The following PLCB4 variants were observed in gnomAD, a reference collection of about 807,000 sequenced individuals.
PLCB4 encodes 1-phosphatidylinositol 4,5-bisphosphate phosphodiesterase beta-4.
Under a neutral mutation model 178.8 loss-of-function variants are expected in PLCB4, and 77 were observed. The ratio of observed to expected loss-of-function variants is 0.43; its 90% confidence interval spans 0.36 to 0.52. PLCB4 has a LOEUF of 0.52. Among genes scored for constraint, PLCB4 ranks in the 20% least tolerant of loss-of-function variants. The pLI is 0.00. For missense variants in PLCB4, 1,024 were observed against 1,453.4 expected, an observed-to-expected ratio of 0.70 and a Z score of 4.80; for synonymous variants, 496 against 490.8, an observed-to-expected ratio of 1.01 and a Z score of -0.14.
At chr20:9,352,334 A>G (rs1034961982) in intron 7 of PLCB4, among the ~76,000 whole-genome samples, 20 of 152,162 alleles carry the variant, frequency 1.3e-4, no homozygotes. Flanking sequence ...CCATAACAGT[A>G]TATTTATTGT....
At chr20:9,470,111 C>A (rs1285735315) in intron 36 of PLCB4, among the ~76,000 whole-genome samples, 1 of 152,052 alleles carries the variant, frequency 6.6e-6, no homozygotes, top group African/African-American at 2.4e-5. Flanking sequence ...GGCAGATTAC[C>A]TGAGGTCAGG....
chr20:9,321,182 G>GAGATTAAATGA, intron 4 of PLCB4, among the ~76,000 whole-genome samples: 1 of 152,190 alleles, frequency 6.6e-6, no homozygotes, highest in Non-Finnish European at 1.5e-5. Flanking sequence ...CTCAGGTGGT[G>GAGATTAAATGA]GTGAGGGCTA....
intron 35 of PLCB4, among the ~76,000 whole-genome samples, chr20:9,461,614 C>CT (rs1446846972): frequency 1.3e-5 from 2 of 152,244 alleles, no homozygotes; most frequent in African/African-American, 4.8e-5. Context: ...TCTCCTGTGC[C>CT]TGGCTTGGCA....
At chr20:9,421,710 T>G (rs1281413432) in intron 27 of PLCB4, among the ~76,000 whole-genome samples, 1 of 152,220 alleles carries the variant, frequency 6.6e-6, no homozygotes, top group African/African-American at 2.4e-5. Context: ...GGGTTTACCA[T>G]CTTTTAGAAT....
At chr20:9,101,740 A>G (rs922068416) in intron 2 of PLCB4, among the ~76,000 whole-genome samples, 1 of 152,322 alleles carries the variant, frequency 6.6e-6, no homozygotes, top group East Asian at 1.9e-4. Flanking sequence ...TATGGCCTAC[A>G]TACATTTCCC....
chr20:9,383,549 A>G (rs137921787), intron 13 of PLCB4, among the ~76,000 whole-genome samples: 11 of 152,322 alleles, frequency 7.2e-5, no homozygotes, highest in Non-Finnish European at 1.5e-4. Context: ...ACCCCATGTC[A>G]GAAAGGTGTG....
chr20:9,393,414 G>A (rs924088502), intron 17 of PLCB4, among the ~76,000 whole-genome samples, 174 bp from the exon 18 acceptor site: 3 of 152,176 alleles, frequency 2.0e-5, no homozygotes, highest in Middle Eastern at 3.2e-3. Context: ...CTAAGGAAAA[G>A]CTCAATGGGT....
chr20:9,359,832 T>C (rs1353565379), intron 7 of PLCB4, among the ~76,000 whole-genome samples: 1 of 152,164 alleles, frequency 6.6e-6, no homozygotes, highest in Non-Finnish European at 1.5e-5. Flanking sequence ...AACAAGTTGA[T>C]AGGCATCTAG....
intron 3 of PLCB4, among the ~76,000 whole-genome samples, chr20:9,302,540 A>T (rs747561382): frequency 1.3e-5 from 2 of 152,176 alleles, no homozygotes; most frequent in Non-Finnish European, 2.9e-5. Flanking sequence ...GGGAACACTC[A>T]GGATACTCCA....
intron 3 of PLCB4, among the ~76,000 whole-genome samples, chr20:9,259,395 A>C (rs1458244329): frequency 1.3e-5 from 2 of 152,210 alleles, no homozygotes; most frequent in Non-Finnish European, 2.9e-5. Context: ...ACAAAGTAAA[A>C]GTAATAATTA....
At chr20:9,396,238 AATCCCT>A in intron 19 of PLCB4, among the ~76,000 whole-genome samples, 1 of 152,312 alleles carries the variant, frequency 6.6e-6, no homozygotes, top group Middle Eastern at 3.4e-3. Flanking sequence ...CACATTTTGT[AATCCCT>A]TTGTATAGAC....
chr20:9,249,495 C>G (rs901504648), intron 3 of PLCB4, among the ~76,000 whole-genome samples: 1 of 151,940 alleles, frequency 6.6e-6, no homozygotes. Context: ...TTTAAATTTT[C>G]TGTAGAGACA....
At chr20:9,158,596 C>T (rs893863057) in intron 2 of PLCB4, among the ~76,000 whole-genome samples, 6 of 150,596 alleles carry the variant, frequency 4.0e-5, no homozygotes, top group Non-Finnish European at 7.4e-5. Flanking sequence ...TTTTTTTAAC[C>T]GTACAAAACA....
rs972544959 is a variant in PLCB4, at chr20:9,078,127, C to A, written c.-135+8921C>A. ...TCTCGAGTAGTTGGGACCAGAGGCG[C>A]ACACTAGCACACCTGGCTATTTTTT... On this transcript the variant is annotated intron_variant, in intron 1 of 39. Transcript: ENST00000378473. 5.3e-5 allele frequency among the ~76,000 whole-genome samples: 8 copies of A among 151,890 alleles called. No homozygotes were observed. In the South Asian group the frequency reaches 1.5e-3, roughly 28 times the overall value.
rs945680021 is a variant in PLCB4, at chr20:9,405,288, C to A, written c.1612-25C>A. 7 of 1,444,872 alleles carry A rather than the reference C, an allele frequency of 4.8e-6. No individual in the cohort carries two copies. In the Middle Eastern group the frequency reaches 5.2e-4, roughly 108 times the overall value. 89.5% of individuals were successfully genotyped at this position (1,444,872 alleles called of 1,614,324 possible). A position where few individuals can be genotyped will look rare whatever the true frequency, so the allele number is the denominator to read the frequency against. On this transcript the variant is annotated intron_variant, in intron 20 of 39. Transcript: ENST00000378473. ...GAATTTTGCCCTTTAGAGAAGTAAA[C>A]AAATTATTTCCTTTCTCTAATTAGG...
Position 9,307,494 on chromosome 20 carries a change from TACACACACACACACACACACACAC to T in PLCB4, c.-15-276_-15-253del, listed in dbSNP as rs745918024. ...GTGCCTTCAGATTTTAAAAAAAGAA[TACACACACACACACACACACACAC>T]ACACACACACACACACACACACACA... On this transcript the variant is annotated intron_variant, in intron 3 of 39. Transcript: ENST00000378473. Among the ~76,000 whole-genome samples, 176 of 138,178 alleles carry T rather than the reference TACACACACACACACACACACACAC, an allele frequency of 1.3e-3. 3 individuals carry two copies. The highest frequency in any genetic ancestry group is 2.1e-3 in the South Asian group (8 of 3,882). 90.7% of individuals were successfully genotyped at this position (138,178 alleles called of 152,430 possible).
chr20:9,245,572 T>C (rs922224575), intron 3 of PLCB4, among the ~76,000 whole-genome samples: 1 of 152,036 alleles, frequency 6.6e-6, no homozygotes. Context: ...GAGGCAGAGA[T>C]AGGACTGAAG....
intron 18 of PLCB4, among the ~76,000 whole-genome samples, chr20:9,394,568 A>G (rs777564358): frequency 1.3e-5 from 2 of 152,156 alleles, no homozygotes; most frequent in African/African-American, 2.4e-5. Context: ...ATGAAACACT[A>G]TATAGAATTT....
chr20:9,159,237 G>A (rs913274213), intron 2 of PLCB4, among the ~76,000 whole-genome samples: 1 of 152,088 alleles, frequency 6.6e-6, no homozygotes, highest in Admixed American at 6.6e-5. Flanking sequence ...TTAGAAAATG[G>A]CCTTAAATTG....
Sources: allele counts gnomAD v4.1 joint callset (sites outside exome capture counted in the v4.1 genomes callset), GRCh38; gene constraint gnomAD v4.1.1; transcripts MANE v1.5; gene names NCBI Gene and HGNC (gene_info 2026-07-23, HGNC 2026-07-21).